CAV1: variants seen among roughly 807,000 people sequenced by gnomAD.
CAV1 encodes caveolin 1.
A neutral mutation model predicts 16.5 loss-of-function variants in CAV1; 10 were observed. The ratio of observed to expected loss-of-function variants is 0.61; its 90% CI spans 0.37 to 1.03. CAV1 has a LOEUF of 1.03. Ranked by LOEUF, CAV1 falls within the 50% of genes least tolerant of loss-of-function variation. The pLI is 0.01. For synonymous variants in CAV1, 76 were observed against 85.1 expected, an observed-to-expected ratio of 0.89 and a Z score of 0.59; for missense variants, 212 against 232.8, an observed-to-expected ratio of 0.91 and a Z score of 0.58.
rs569817191 is a variant in CAV1, at chr7:116,547,294, G to A, written c.196-11652G>A. On this transcript the variant is annotated intron_variant, in intron 2 of 2. Transcript: ENST00000341049. Reference sequence around the variant, plus strand: ...TAGAAACGGGTATGTTTTTATCAGTGTAGAAAGATTTAGCTTAATTTTTCA... The same window carrying A: ...TAGAAACGGGTATGTTTTTATCAGTATAGAAAGATTTAGCTTAATTTTTCA... Among the ~76,000 whole-genome samples, 3 of 152,230 alleles carry A rather than the reference G, an allele frequency of 2.0e-5. No homozygotes were observed. In the East Asian group the frequency reaches 5.8e-4, roughly 29 times the overall value.
intron 1 of CAV1, chr7:116,525,593 C>T: frequency 8.6e-7 from 1 of 1,168,974 alleles, no homozygotes; most frequent in South Asian, 1.9e-5. Context: ...CTTGAACCAT[C>T]TCAAGAACTC....
At chr7:116,546,540 A>T (rs879785281) in intron 2 of CAV1, among the ~76,000 whole-genome samples, 11 of 151,744 alleles carry the variant, frequency 7.2e-5, no homozygotes, top group African/African-American at 1.5e-4. Flanking sequence ...AAATAAAAAA[A>T]AAAAAAATTA....
chr7:116,533,537 G>A (rs1378651893), intron 2 of CAV1, among the ~76,000 whole-genome samples: 1 of 152,034 alleles, frequency 6.6e-6, no homozygotes, highest in Non-Finnish European at 1.5e-5. Context: ...CACAATCTTG[G>A]CTCACTGTAT....
At chr7:116,546,702 A>AATAAAAAATAAAAAAT (rs1554356435) in intron 2 of CAV1, among the ~76,000 whole-genome samples, 21 of 143,054 alleles carry the variant, frequency 1.5e-4, no homozygotes, top group Middle Eastern at 3.5e-3. Context: ...TGTCACAAAA[A>AATAAAAAATAAAAAAT]AAAAAAAAAA....
chr7:116,528,539 T>G (rs911204532), intron 2 of CAV1, among the ~76,000 whole-genome samples: 2 of 152,106 alleles, frequency 1.3e-5, no homozygotes, highest in Non-Finnish European at 2.9e-5. Flanking sequence ...GAAAAGAATT[T>G]GGCAGTCTCA....
At chr7:116,554,976 C>A (rs1032260905) in intron 2 of CAV1, among the ~76,000 whole-genome samples, 3 of 152,074 alleles carry the variant, frequency 2.0e-5, no homozygotes. Context: ...ATTTCTTAAC[C>A]CCCGGCAGTA....
chr7:116,529,867 A>C (rs1199341825), intron 2 of CAV1, among the ~76,000 whole-genome samples: 1 of 152,214 alleles, frequency 6.6e-6, no homozygotes, highest in Non-Finnish European at 1.5e-5. Context: ...AGTGGTCACA[A>C]ACTCAAACCC....
chr7:116,555,163 C>G (rs911877269), intron 2 of CAV1, among the ~76,000 whole-genome samples: 2 of 152,016 alleles, frequency 1.3e-5, no homozygotes, highest in African/African-American at 4.8e-5. Context: ...CTAGTCACAG[C>G]CCGGTGCAGT....
intron 2 of CAV1, among the ~76,000 whole-genome samples, chr7:116,548,112 C>T (rs1452629192): frequency 1.3e-5 from 2 of 152,180 alleles, no homozygotes; most frequent in African/African-American, 4.8e-5. Flanking sequence ...AAAGTGTCCT[C>T]CCCAGACCAG....
intron 2 of CAV1, among the ~76,000 whole-genome samples, chr7:116,537,929 A>G: frequency 6.6e-6 from 1 of 152,230 alleles, no homozygotes; most frequent in East Asian, 1.9e-4. Flanking sequence ...GTGACTAGAA[A>G]TAGAACCAGA....
chr7:116,552,259 G>A (rs1794179222), intron 2 of CAV1, among the ~76,000 whole-genome samples: 1 of 152,168 alleles, frequency 6.6e-6, no homozygotes, highest in Non-Finnish European at 1.5e-5. Context: ...CTTAGTCGAT[G>A]TGCCATCCCA....
chr7:116,556,000 A>G (rs1794287349), intron 2 of CAV1, among the ~76,000 whole-genome samples: 1 of 152,188 alleles, frequency 6.6e-6, no homozygotes, highest in Non-Finnish European at 1.5e-5. Flanking sequence ...ATATTTATAT[A>G]ACATGTTATT....
intron 1 of CAV1, 31 bp from the exon 2 acceptor site, chr7:116,526,494 G>C (rs1314390873): frequency 3.7e-6 from 6 of 1,613,094 alleles, no homozygotes; most frequent in Non-Finnish European, 5.1e-6. Context: ...CGCCCTCCCC[G>C]TCCTGGCCGT....
chr7:116,555,592 GAAAGAAAGAAAGAGAA>G (rs1794274042), intron 2 of CAV1, among the ~76,000 whole-genome samples: 1 of 82,674 alleles, frequency 1.2e-5, no homozygotes, highest in Non-Finnish European at 2.3e-5. Flanking sequence ...AAGAAAGAAA[GAAAGAAAGAAAGAGAA>G]AGAAAGAAAG....
chr7:116,544,801 G>T (rs1794007173), intron 2 of CAV1, among the ~76,000 whole-genome samples: 1 of 152,138 alleles, frequency 6.6e-6, no homozygotes, highest in Non-Finnish European at 1.5e-5. Flanking sequence ...TTAAAAGTAA[G>T]TGCACCATAG....
chr7:116,527,483 A>G (rs1461906880), intron 2 of CAV1, among the ~76,000 whole-genome samples: 1 of 152,352 alleles, frequency 6.6e-6, no homozygotes, highest in South Asian at 2.1e-4. Context: ...GAGATTAAAA[A>G]TAATTGGACT....
chr7:116,527,041 T>G, intron 2 of CAV1: 1 of 355,322 alleles, frequency 2.8e-6, no homozygotes, highest in Non-Finnish European at 5.5e-6. Context: ...TCCTATCCAT[T>G]CCCAGGTTGA....
intron 2 of CAV1, among the ~76,000 whole-genome samples, chr7:116,537,778 G>C (rs1793854268): frequency 6.6e-6 from 1 of 152,182 alleles, no homozygotes; most frequent in Non-Finnish European, 1.5e-5. Flanking sequence ...TTGGCAAGTG[G>C]TTTGAGGAAA....
chr7:116,534,387 A>ATGTTTTTTTTTTTTT (rs1196588254), intron 2 of CAV1, among the ~76,000 whole-genome samples: 1 of 9,246 alleles, frequency 1.1e-4, no homozygotes, highest in African/African-American at 2.9e-4. Context: ...ATATATATAT[A>ATGTTTTTTTTTTTTT]TATATATATT....
Sources: gnomAD v4.1 joint callset for allele counts (sites outside exome capture counted in the v4.1 genomes callset) on GRCh38, gnomAD v4.1.1 for gene constraint, MANE v1.5 for transcripts, NCBI Gene and HGNC (gene_info 2026-07-23, HGNC 2026-07-21) for gene names.